The following LSAMP variants were observed in gnomAD, a reference collection of about 807,000 sequenced individuals.
LSAMP encodes limbic system associated membrane protein.
A neutral mutation model predicts 38.6 loss-of-function variants in LSAMP; 7 were observed. That is an observed-to-expected ratio of 0.18 (90% CI 0.10 to 0.34). LSAMP has a LOEUF of 0.34. LSAMP is among the 10% of genes least tolerant of loss of function. The probability of loss-of-function intolerance (pLI) is 1.00; values close to 1 mark genes in which losing one functional copy is unlikely to be tolerated. For missense variants in LSAMP, 313 were observed against 420.0 expected, an observed-to-expected ratio of 0.75 and a Z score of 2.23; for synonymous variants, 154 against 166.8, an observed-to-expected ratio of 0.92 and a Z score of 0.59.
chr3:116,155,759 A>G (rs542145586), intron 1 of LSAMP, among the ~76,000 whole-genome samples: 4 of 152,092 alleles, frequency 2.6e-5, no homozygotes, highest in Admixed American at 6.6e-5. Context: ...TTTTACCTCT[A>G]TATTTCTAAC....
At chr3:116,444,445 G>A (rs552110488) in intron 1 of LSAMP, among the ~76,000 whole-genome samples, 30 of 150,162 alleles carry the variant, frequency 2.0e-4, no homozygotes, top group African/African-American at 6.1e-4. Flanking sequence ...GCAGTACTGT[G>A]TACTACTCTC....
chr3:115,979,753 C>T (rs1939304472), intron 3 of LSAMP, among the ~76,000 whole-genome samples: 1 of 152,114 alleles, frequency 6.6e-6, no homozygotes, highest in South Asian at 2.1e-4. Flanking sequence ...CATCAAGTTT[C>T]TCTCCTCTGA....
chr3:116,050,205 A>AGT (rs554770313), intron 2 of LSAMP, among the ~76,000 whole-genome samples: 38 of 152,068 alleles, frequency 2.5e-4, no homozygotes, highest in Non-Finnish European at 4.9e-4. Flanking sequence ...TCCTGGTACA[A>AGT]GTCCTAGTGC....
At chr3:115,887,851 A>G (rs1310985631) in intron 3 of LSAMP, among the ~76,000 whole-genome samples, 1 of 151,958 alleles carries the variant, frequency 6.6e-6, no homozygotes. Flanking sequence ...CAGTGAGAGC[A>G]TAATCCCACT....
chr3:115,960,778 T>A (rs1327942392), intron 3 of LSAMP, among the ~76,000 whole-genome samples: 4 of 152,170 alleles, frequency 2.6e-5, no homozygotes, highest in Non-Finnish European at 5.9e-5. Flanking sequence ...ATAATGCCCC[T>A]GGAATACTCT....
At chr3:115,833,227 G>T (rs1400929914) in intron 6 of LSAMP, among the ~76,000 whole-genome samples, 1 of 152,064 alleles carries the variant, frequency 6.6e-6, no homozygotes, top group African/African-American at 2.4e-5. Context: ...AATAATTGTG[G>T]TATGTCAGGA....
chr3:115,838,892 A>G (rs1321669262), intron 6 of LSAMP, among the ~76,000 whole-genome samples: 1 of 152,198 alleles, frequency 6.6e-6, no homozygotes, highest in African/African-American at 2.4e-5. Flanking sequence ...ACACCAATGA[A>G]GATGAATAAT....
At chr3:115,863,102 A>C (rs1390891107) in intron 3 of LSAMP, among the ~76,000 whole-genome samples, 3 of 152,234 alleles carry the variant, frequency 2.0e-5, no homozygotes, top group Admixed American at 1.3e-4. Flanking sequence ...GAGGGTCACT[A>C]AATTTACTGC....
chr3:115,912,421 AC>A (rs1175478998), intron 3 of LSAMP, among the ~76,000 whole-genome samples: 1 of 152,094 alleles, frequency 6.6e-6, no homozygotes, highest in African/African-American at 2.4e-5. Flanking sequence ...AGGAGGAGGG[AC>A]CCCTTGTTAC....
At chr3:116,405,270 A>G (rs2048885438) in intron 1 of LSAMP, among the ~76,000 whole-genome samples, 1 of 152,096 alleles carries the variant, frequency 6.6e-6, no homozygotes, top group Non-Finnish European at 1.5e-5. Context: ...ATGTTACACT[A>G]TCAAAATTGC....
chr3:116,067,177 A>G (rs530295468), intron 2 of LSAMP, among the ~76,000 whole-genome samples: 8 of 152,222 alleles, frequency 5.3e-5, no homozygotes, highest in Non-Finnish European at 1.0e-4. Flanking sequence ...CTTCCTTTCT[A>G]TATTCCTATG....
intron 1 of LSAMP, among the ~76,000 whole-genome samples, chr3:116,300,538 A>T (rs547793155): frequency 2.6e-4 from 39 of 152,244 alleles, no homozygotes; most frequent in Non-Finnish European, 4.4e-4. Context: ...GGCAGGCCTG[A>T]GCTCCACCTC....
In LSAMP at chr3:116,208,418, G is replaced by A. The variant is rs187292739; in HGVS notation, c.156-121862C>T. On this transcript the variant is annotated intron_variant, in intron 1 of 6. Transcript: ENST00000490035. The stretch of plus-strand genomic sequence containing the variant: ...TCTCAGCTCATCAAAGTCATTCTCC[G>A]TCTAGCTTTGTTCCGTTGCTGGTGA... Among the ~76,000 whole-genome samples the A allele has an allele frequency of 5.0e-3, 757 of 151,856 alleles. 6 individuals are homozygous for A. Among genetic ancestry groups the A allele is most frequent in the African/African-American group, 0.016 (677 of 41,176 alleles).
intron 3 of LSAMP, among the ~76,000 whole-genome samples, chr3:115,880,919 TC>T (rs1405625430): frequency 6.6e-6 from 1 of 151,880 alleles, no homozygotes; most frequent in Non-Finnish European, 1.5e-5. Flanking sequence ...GCACCTGTAA[TC>T]CCAGCTACTT....
chr3:115,842,396 G>A (rs973557727), intron 5 of LSAMP, 62 bp downstream of exon 5: 107 of 1,569,186 alleles, frequency 6.8e-5, no homozygotes, highest in Non-Finnish European at 8.3e-5. Context: ...TTTGTTGTGG[G>A]GATTCTGGTG....
At chr3:116,407,998 T>G (rs1028751561) in intron 1 of LSAMP, among the ~76,000 whole-genome samples, 2 of 152,030 alleles carry the variant, frequency 1.3e-5, no homozygotes, top group African/African-American at 2.4e-5. Flanking sequence ...AATGTAAGCT[T>G]ATTAAGGAGT....
intron 1 of LSAMP, among the ~76,000 whole-genome samples, chr3:116,406,517 G>C (rs538332855): frequency 6.6e-6 from 1 of 151,910 alleles, no homozygotes; most frequent in South Asian, 2.1e-4. Flanking sequence ...TCTTACATTT[G>C]CTTCCTGCCT....
intron 1 of LSAMP, among the ~76,000 whole-genome samples, chr3:116,305,656 A>G (rs78901496): frequency 0.018 from 2,686 of 152,232 alleles, 80 homozygotes; most frequent in African/African-American, 0.061. Context: ...AAATTTCTTA[A>G]TTCTACCAAA....
At chr3:116,210,065 T>C (rs982678676) in intron 1 of LSAMP, among the ~76,000 whole-genome samples, 1 of 152,134 alleles carries the variant, frequency 6.6e-6, no homozygotes, top group Non-Finnish European at 1.5e-5. Context: ...AGATTTTATA[T>C]TTTTTTAATT....
Sources: allele counts gnomAD v4.1 joint callset (sites outside exome capture counted in the v4.1 genomes callset), GRCh38; gene constraint gnomAD v4.1.1; transcripts MANE v1.5; gene names NCBI Gene and HGNC (gene_info 2026-07-23, HGNC 2026-07-21).